Variants in SLC22A23 observed in about 807,000 individuals in gnomAD.
The protein encoded by SLC22A23 is ion transporter protein.
Under a neutral mutation model 61.0 loss-of-function variants are expected in SLC22A23, and 26 were observed. The ratio of observed to expected loss-of-function variants is 0.43; its 90% CI spans 0.31 to 0.59. SLC22A23 has a LOEUF of 0.59. Among genes scored for constraint, SLC22A23 ranks in the 20% least tolerant of loss-of-function variants. The pLI, the probability that SLC22A23 is intolerant of heterozygous loss-of-function variation, is 0.11. For missense variants in SLC22A23, 796 were observed against 934.7 expected (o/e 0.85, Z 1.94); for synonymous variants, 430 against 413.9 (o/e 1.04, Z -0.47).
chr6:3,398,130 T>C (rs1008668067), intron 3 of SLC22A23, among the ~76,000 whole-genome samples: 6 of 152,230 alleles, frequency 3.9e-5, no homozygotes, highest in African/African-American at 1.2e-4. Flanking sequence ...GCAATGCCAG[T>C]TCGACATATT....
rs1581665708 is a variant in SLC22A23 at position 3,309,124 on chromosome 6, A to T, written c.1083-10906T>A. On this transcript the variant is annotated intron_variant, in intron 4 of 9. Coordinates refer to ENST00000406686, the MANE Select transcript of SLC22A23 (RefSeq NM_015482.2). This position sits in a 1 kb window ranked among gnomAD's most constrained non-coding sequence, Gnocchi z 4.7. ...AGACCAGCCTGTCCAACATGGTGAA[A>T]CCCCCATCTCTACTAAAAACGCAAA... Among the ~76,000 whole-genome samples the T allele has an allele frequency of 6.7e-6, 1 of 148,676 alleles. No individual in the cohort carries two copies. The highest frequency in any genetic ancestry group is 2.5e-5 in the African/African-American group (1 of 40,102).
chr6:3,285,895 T>G lies in SLC22A23; in HGVS notation c.1547-784A>C, dbSNP rs372305674. Reference sequence around the variant, plus strand: ...GCAGGGGAGCTCTGTGGGGTCGATGTTCCCGCAGTGTCCTGAGCCTGTCCC... The same window carrying G: ...GCAGGGGAGCTCTGTGGGGTCGATGGTCCCGCAGTGTCCTGAGCCTGTCCC... On this transcript the variant is annotated intron_variant, in intron 7 of 9. Transcript: ENST00000406686. 1.3e-4 allele frequency among the ~76,000 whole-genome samples: 20 copies of G among 152,230 alleles called. No individual in the cohort carries two copies. In the East Asian group the frequency reaches 3.7e-3, roughly 28 times the overall value.
chr6:3,270,750 G>A lies in SLC22A23; in HGVS notation c.*2305C>T, dbSNP rs1299628414. On this transcript the variant is annotated 3_prime_UTR_variant, in exon 10 of 10. Transcript: ENST00000406686. ...TTATTGTCATTTGAGGTGGAGATCA[G>A]AGATCATGACCAGAAGAGTGTGAGT... The A allele has an allele frequency of 6.6e-6, 1 of 152,278 alleles. No individual in the cohort carries two copies. The highest frequency in any genetic ancestry group is 1.5e-5 in the Non-Finnish European group (1 of 68,052). 9.4% of individuals were successfully genotyped at this position (152,278 alleles called of 1,614,324 possible). A position where few individuals can be genotyped will look rare whatever the true frequency, so the allele number is the denominator to read the frequency against.
At chr6:3,353,513 G>A (rs149196677) in intron 3 of SLC22A23, among the ~76,000 whole-genome samples, 3 of 152,304 alleles carry the variant, frequency 2.0e-5, no homozygotes, top group African/African-American at 7.2e-5. Context: ...TCACCTGCTT[G>A]ATTGAGGTGT....
At chr6:3,357,302 A>G (rs1012696454) in intron 3 of SLC22A23, among the ~76,000 whole-genome samples, 1 of 152,182 alleles carries the variant, frequency 6.6e-6, no homozygotes, top group Non-Finnish European at 1.5e-5. Context: ...AGCCTCTGTA[A>G]AGTCTTTGCT....
chr6:3,407,979 G>A (rs1039295277), intron 3 of SLC22A23, among the ~76,000 whole-genome samples: 1 of 152,232 alleles, frequency 6.6e-6, no homozygotes, highest in East Asian at 1.9e-4. Context: ...TACATCAGTG[G>A]TTGAAAAATT....
At chr6:3,294,029 C>T (rs1462293594) in intron 5 of SLC22A23, among the ~76,000 whole-genome samples, 1 of 152,136 alleles carries the variant, frequency 6.6e-6, no homozygotes, top group African/African-American at 2.4e-5. Context: ...ACGTGGCTCC[C>T]CACAAGGAAG....
intron 1 of SLC22A23, among the ~76,000 whole-genome samples, chr6:3,444,286 A>C (rs534942773): frequency 1.3e-5 from 2 of 152,264 alleles, no homozygotes; most frequent in Non-Finnish European, 2.9e-5. Context: ...AAAACAACTA[A>C]ACCCCAGCCT....
chr6:3,435,782 T>C lies in SLC22A23; in HGVS notation c.655-19927A>G, dbSNP rs78023772. Among the ~76,000 whole-genome samples, 1,108 of 152,032 alleles carry C rather than the reference T, an allele frequency of 7.3e-3. 21 individuals carry two copies. The highest frequency in any genetic ancestry group is 0.025 in the African/African-American group (1,053 of 41,468). ...AATGTGACCCTGTTTGGAAATAGGG[T>C]TTTTACAGAGATGATTAAAGTTAAA... On this transcript the variant is annotated intron_variant, in intron 1 of 9. Transcript: ENST00000406686.
intron 3 of SLC22A23, among the ~76,000 whole-genome samples, chr6:3,362,436 T>G (rs9328162): frequency 1.7e-5 from 1 of 60,594 alleles, no homozygotes; most frequent in African/African-American, 7.2e-5. Flanking sequence ...AAATAAAAAA[T>G]AAAAATTAGC....
rs746132982 is a variant in SLC22A23, at chr6:3,456,169, C to T, written c.391G>A (p.Ala131Thr). The T allele has an allele frequency of 9.0e-6, 14 of 1,551,274 alleles. No individual in the cohort carries two copies. The South Asian group carries it at 1.7e-4, about 18-fold the overall frequency. ...CCTGCCAGCTCGGTGCCTTTGCCGGCCCCGCGGCACCAGAAGTTGGGCTGG... is the reference window on the plus strand; with the variant it reads ...CCTGCCAGCTCGGTGCCTTTGCCGGTCCCGCGGCACCAGAAGTTGGGCTGG... ...LDQPNFWCRG[A>T]GKGTELAGVT... is the part of the protein sequence containing the mutation. The change falls in exon 1 of 10, where the codon GCC becomes ACC. Residue 131 changes from alanine (A) to threonine (T), a missense_variant. By Grantham distance (58) the Ala-to-Thr change is moderately conservative (BLOSUM62 0). Coordinates refer to ENST00000406686, the MANE Select transcript of SLC22A23 (RefSeq NM_015482.2). This position sits in a 1 kb window ranked among gnomAD's most constrained non-coding sequence, Gnocchi z 7.1.
chr6:3,285,133 C>A, intron 7 of SLC22A23, 22 bp from the exon 8 acceptor site: 1 of 1,613,182 alleles, frequency 6.2e-7, no homozygotes, highest in Non-Finnish European at 8.5e-7. Context: ...GACATGATCG[C>A]ACCCACACGG....
rs1265561524 is a variant in SLC22A23 at position 3,383,362 on chromosome 6, G to C, written c.913+26826C>G. Among the ~76,000 whole-genome samples, 3 of 151,304 alleles carry C rather than the reference G, an allele frequency of 2.0e-5. No individual in the cohort carries two copies. The South Asian group carries it at 6.3e-4, about 32-fold the overall frequency. On this transcript the variant is annotated intron_variant, in intron 3 of 9. Coordinates refer to ENST00000406686, the MANE Select transcript of SLC22A23 (RefSeq NM_015482.2). ...TTTTTTCTCTGAGGGTGGGGCTGGG[G>C]AGGGACACCCAGGGTGCCTGAAAGG... is the stretch of plus-strand genomic sequence containing the variant.
At chr6:3,371,720 T>C (rs1489391894) in intron 3 of SLC22A23, among the ~76,000 whole-genome samples, 1 of 152,232 alleles carries the variant, frequency 6.6e-6, no homozygotes, top group African/African-American at 2.4e-5. Context: ...CCTTCCTTGA[T>C]GATGATAACC....
rs542046331 is a variant in SLC22A23, at chr6:3,362,876, T to C, written c.914-38874A>G. Reference sequence around the variant, plus strand: ...GGAATGGGGTGGTGGGACAGGGGAATGTCCTGTGCCAGCTTTTGCCATGAC... The same window carrying C: ...GGAATGGGGTGGTGGGACAGGGGAACGTCCTGTGCCAGCTTTTGCCATGAC... On this transcript the variant is annotated intron_variant, in intron 3 of 9. Transcript: ENST00000406686. Among the ~76,000 whole-genome samples, 104 of 152,258 alleles carry C rather than the reference T, an allele frequency of 6.8e-4. 4 individuals are homozygous for C. The South Asian group carries it at 0.014, about 20-fold the overall frequency.
At chr6:3,411,856 G>T (rs1222475539) in intron 2 of SLC22A23, among the ~76,000 whole-genome samples, 1 of 152,208 alleles carries the variant, frequency 6.6e-6, no homozygotes, top group Non-Finnish European at 1.5e-5. Flanking sequence ...CCAGTGCTGG[G>T]ATCAGGAAGC....
chr6:3,331,667 C>T (rs977320667), intron 3 of SLC22A23, among the ~76,000 whole-genome samples: 10 of 152,178 alleles, frequency 6.6e-5, no homozygotes, highest in Non-Finnish European at 1.2e-4. Context: ...AAATGAGGAA[C>T]AGGGATTTGA....
At chr6:3,423,732 C>T (rs1770298234) in intron 1 of SLC22A23, among the ~76,000 whole-genome samples, 1 of 152,232 alleles carries the variant, frequency 6.6e-6, no homozygotes, top group Non-Finnish European at 1.5e-5. Context: ...AACTTGAAGA[C>T]TGTTAACTTG....
intron 1 of SLC22A23, among the ~76,000 whole-genome samples, chr6:3,421,056 C>A (rs1013851669): frequency 1.3e-5 from 2 of 151,078 alleles, no homozygotes; most frequent in East Asian, 3.9e-4. Flanking sequence ...AGCAAGACTG[C>A]GCCACTGCAC....
Sources: allele counts gnomAD v4.1 joint callset (sites outside exome capture counted in the v4.1 genomes callset), GRCh38; gene constraint gnomAD v4.1.1; non-coding constraint Gnocchi (gnomAD v3.1); transcripts MANE v1.5; gene names NCBI Gene and HGNC (gene_info 2026-07-23, HGNC 2026-07-21).